The following ZBTB40 variants were observed in gnomAD, a reference collection of about 807,000 sequenced individuals.
The protein encoded by ZBTB40 is zinc finger and BTB domain-containing protein 40.
In ZBTB40, 60 loss-of-function variants were observed where a neutral mutation model predicts 117.5. That is an observed-to-expected ratio of 0.51 (90% CI 0.41 to 0.63). ZBTB40 has a LOEUF of 0.63. Among genes scored for constraint, ZBTB40 ranks in the 30% least tolerant of loss-of-function variants. The probability of loss-of-function intolerance (pLI) is 0.00; values close to 1 mark genes in which losing one functional copy is unlikely to be tolerated. For missense variants in ZBTB40, 1,287 were observed against 1,498.5 expected, an observed-to-expected ratio of 0.86 and a Z score of 2.33; for synonymous variants, 525 against 577.1, an observed-to-expected ratio of 0.91 and a Z score of 1.29.
In ZBTB40 at chr1:22,513,344, C is replaced by G. The variant is rs184752455; in HGVS notation, c.2668+214C>G. Among the ~76,000 whole-genome samples the G allele has an allele frequency of 6.6e-6, 1 of 152,274 alleles. No homozygotes were observed. The highest frequency in any genetic ancestry group is 6.5e-5 in the Admixed American group (1 of 15,296). On this transcript the variant is annotated intron_variant, in intron 12 of 17. Coordinates refer to ENST00000375647, the MANE Select transcript of ZBTB40 (RefSeq NM_014870.4). The surrounding 1 kb of genome is among the most constrained non-coding windows in gnomAD (Gnocchi z 4.9). ...GATAAATGCTGGAGGGGATGGATCTCTCATTCTCCCTGATGCAGTTATTTC... is the reference window on the plus strand; with the variant it reads ...GATAAATGCTGGAGGGGATGGATCTGTCATTCTCCCTGATGCAGTTATTTC...
intron 13 of ZBTB40, among the ~76,000 whole-genome samples, chr1:22,518,342 A>C (rs1180059233): frequency 6.6e-6 from 1 of 152,208 alleles, no homozygotes; most frequent in Non-Finnish European, 1.5e-5. Flanking sequence ...AGAGCAAATA[A>C]TAATGCCACC....
chr1:22,489,822 A>G, intron 1 of ZBTB40, 58 bp from the exon 2 acceptor site: 1 of 863,466 alleles, frequency 1.2e-6, no homozygotes, highest in Non-Finnish European at 1.9e-6. Context: ...CGTTTCATTC[A>G]AGGCCTTTCC....
chr1:22,502,766 TC>T (rs1224387182), intron 5 of ZBTB40, among the ~76,000 whole-genome samples: 1 of 152,180 alleles, frequency 6.6e-6, no homozygotes, highest in African/African-American at 2.4e-5. Context: ...TATATGCTAT[TC>T]CTGCTCTGAC....
At chr1:22,518,679 GC>G (rs1360595109) in intron 13 of ZBTB40, among the ~76,000 whole-genome samples, 1 of 152,174 alleles carries the variant, frequency 6.6e-6, no homozygotes, top group African/African-American at 2.4e-5. Context: ...TATGTGCCCA[GC>G]ATGTGGCTAG....
intron 1 of ZBTB40, among the ~76,000 whole-genome samples, chr1:22,487,994 G>A (rs186227428): frequency 1.3e-5 from 2 of 152,104 alleles, no homozygotes; most frequent in African/African-American, 4.8e-5. Context: ...TTATCTGCAT[G>A]CCTCATGCAG....
rs746148791 is a variant in ZBTB40 at position 22,512,080 on chromosome 1, A to C, written c.2407A>C (p.Lys803Gln). The stretch of plus-strand genomic sequence containing the variant: ...GCCCGATGCCCCCAAGAAGAAGAAG[A>C]AGAGGCTTCCAGTGACATGTGACCT... ...GEPDAPKKKK[K>Q]RLPVTCDLCG... The change falls in exon 11 of 18, where the codon AAG becomes CAG. Residue 803 changes from lysine (K) to glutamine (Q), a missense_variant. Coordinates refer to ENST00000375647, the MANE Select transcript of ZBTB40 (RefSeq NM_014870.4). 1.9e-6 allele frequency: 3 copies of C among 1,613,864 alleles called. No homozygotes were observed. The highest frequency in any genetic ancestry group is 2.5e-6 in the Non-Finnish European group (3 of 1,180,040).
chr1:22,463,830 G>C (rs1641190115), intron 1 of ZBTB40, among the ~76,000 whole-genome samples: 1 of 152,226 alleles, frequency 6.6e-6, no homozygotes, highest in South Asian at 2.1e-4. Context: ...TTGCCTCATT[G>C]TATTTTGTAG....
intron 1 of ZBTB40, among the ~76,000 whole-genome samples, chr1:22,453,886 G>T (rs1406084785): frequency 6.6e-6 from 1 of 152,202 alleles, no homozygotes; most frequent in African/African-American, 2.4e-5. Context: ...ACAACCTGGT[G>T]TTTGCAGGTA....
chr1:22,480,951 T>C (rs1441240559), intron 1 of ZBTB40, among the ~76,000 whole-genome samples: 1 of 152,178 alleles, frequency 6.6e-6, no homozygotes, highest in African/African-American at 2.4e-5. Context: ...CAGTGCTAAC[T>C]CCCCACCTTC....
chr1:22,460,682 C>T (rs1641109408), intron 1 of ZBTB40, among the ~76,000 whole-genome samples: 1 of 152,158 alleles, frequency 6.6e-6, no homozygotes, highest in Non-Finnish European at 1.5e-5. Context: ...TTAAGTAACT[C>T]AAGGTTACAA....
chr1:22,431,981 TA>T (rs11340582), intron 1 of ZBTB40, among the ~76,000 whole-genome samples: 150,141 of 151,218 alleles, frequency 0.99, 74,541 homozygotes, highest in Middle Eastern at 1. Flanking sequence ...ACTTTTCAGC[TA>T]AAAAAAAAAA....
At chr1:22,449,946 CT>C (rs35273875), upstream of ZBTB40, among the ~76,000 whole-genome samples, 90,776 of 143,822 alleles carry the variant, frequency 0.63, 28,275 homozygotes, top group East Asian at 0.87. Context: ...AAATATTTCT[CT>C]TTTTTTTTTT....
At chr1:22,438,187 C>G (rs956227759) in intron 1 of ZBTB40, among the ~76,000 whole-genome samples, 1 of 152,146 alleles carries the variant, frequency 6.6e-6, no homozygotes, top group Non-Finnish European at 1.5e-5. Context: ...CCCCATGTCC[C>G]TCTCCCTCCA....
chr1:22,486,897 A>G (rs1203068110), intron 1 of ZBTB40, among the ~76,000 whole-genome samples: 1 of 151,844 alleles, frequency 6.6e-6, no homozygotes, highest in African/African-American at 2.4e-5. Context: ...ACCATGCCTG[A>G]CTAATTTGTG....
rs114147220 is a variant in ZBTB40 at position 22,475,343 on chromosome 1, T to C, written c.-69-14537T>C. 8.5e-3 allele frequency among the ~76,000 whole-genome samples: 1,297 copies of C among 152,338 alleles called. 9 individuals are homozygous for C. The highest frequency in any genetic ancestry group is 0.041 in the South Asian group (198 of 4,830). On this transcript the variant is annotated intron_variant, in intron 1 of 17. Transcript: ENST00000375647. ...TTCCTCTGGCTATTGTCTGGACTCATGCTCCATACTTCCTCTTACATGGGT... is the reference window on the plus strand; with the variant it reads ...TTCCTCTGGCTATTGTCTGGACTCACGCTCCATACTTCCTCTTACATGGGT...
At chr1:22,495,714 A>G (rs776594100) in intron 3 of ZBTB40, among the ~76,000 whole-genome samples, 3 of 151,872 alleles carry the variant, frequency 2.0e-5, no homozygotes, top group Non-Finnish European at 2.9e-5. Context: ...GTTTCACCAT[A>G]TTGTTCAGGC....
chr1:22,518,500 C>T (rs1480136682), intron 13 of ZBTB40, among the ~76,000 whole-genome samples: 1 of 152,180 alleles, frequency 6.6e-6, no homozygotes, highest in Non-Finnish European at 1.5e-5. Flanking sequence ...ACCATCAAAA[C>T]TTGTCTTTTT....
chr1:22,450,990 G>A (rs546056400), upstream of ZBTB40, among the ~76,000 whole-genome samples: 1 of 152,242 alleles, frequency 6.6e-6, no homozygotes, highest in Non-Finnish European at 1.5e-5. Flanking sequence ...GTTTGTTACT[G>A]CTGGATCTGA....
intron 1 of ZBTB40, among the ~76,000 whole-genome samples, chr1:22,456,750 C>T (rs980745351): frequency 1.3e-5 from 2 of 152,218 alleles, no homozygotes; most frequent in Non-Finnish European, 2.9e-5. Flanking sequence ...ACATAGATAT[C>T]TGCCCATTGA....
Sources: gnomAD v4.1 joint callset for allele counts (sites outside exome capture counted in the v4.1 genomes callset) on GRCh38, gnomAD v4.1.1 for gene constraint, Gnocchi (gnomAD v3.1) non-coding constraint, MANE v1.5 for transcripts, NCBI Gene and HGNC (gene_info 2026-07-23, HGNC 2026-07-21) for gene names.